Variants in GALNT17 observed in about 807,000 individuals in gnomAD.
GALNT17 encodes the protein polypeptide N-acetylgalactosaminyltransferase 17, also known as UDP-GalNAc:polypeptide N-acetylgalactosaminyltransferase-like 3.
GALNT17 carries 29 observed loss-of-function variants against 63.7 expected under a neutral mutation model. That is an observed-to-expected ratio of 0.46 (90% CI 0.34 to 0.62). The LOEUF (loss-of-function observed/expected upper bound fraction) is 0.62, where lower values mean the gene tolerates loss of function less well. GALNT17 is among the 20% of genes least tolerant of loss of function. The pLI is 0.01. For missense variants in GALNT17, 603 were observed against 799.6 expected, an observed-to-expected ratio of 0.75 and a Z score of 2.97; for synonymous variants, 305 against 318.3, an observed-to-expected ratio of 0.96 and a Z score of 0.45.
At chr7:71,228,673 G>A (rs1789726292) in intron 1 of GALNT17, among the ~76,000 whole-genome samples, 1 of 152,088 alleles carries the variant, frequency 6.6e-6, no homozygotes, top group African/African-American at 2.4e-5. Context: ...ATCTTTCTAT[G>A]CTTTGTCTTC....
intron 2 of GALNT17, among the ~76,000 whole-genome samples, chr7:71,373,584 TC>T (rs1451961283): frequency 1.3e-5 from 2 of 152,062 alleles, no homozygotes; most frequent in Admixed American, 6.5e-5. Flanking sequence ...TTACAGCTGC[TC>T]CCCATCCCTC....
intron 5 of GALNT17, among the ~76,000 whole-genome samples, chr7:71,474,044 A>G (rs1181423899): frequency 2.0e-5 from 3 of 152,132 alleles, no homozygotes; most frequent in African/African-American, 7.2e-5. Context: ...GGTGTGGATT[A>G]CTTATGAGTT....
intron 1 of GALNT17, among the ~76,000 whole-genome samples, chr7:71,263,924 A>C (rs989328136): frequency 6.6e-6 from 1 of 152,214 alleles, no homozygotes; most frequent in Admixed American, 6.5e-5. Flanking sequence ...ATTCCGTCCC[A>C]AAAAAACAAA....
chr7:71,147,422 A>G (rs1332685843), intron 1 of GALNT17, among the ~76,000 whole-genome samples: 2 of 152,114 alleles, frequency 1.3e-5, no homozygotes, highest in Non-Finnish European at 2.9e-5. Flanking sequence ...CTTTATATTC[A>G]GCTGGCAGCT....
At chr7:71,639,757 C>G (rs17143750) in intron 6 of GALNT17, among the ~76,000 whole-genome samples, 1 of 152,168 alleles carries the variant, frequency 6.6e-6, no homozygotes, top group African/African-American at 2.4e-5. Flanking sequence ...AGCAAACTTT[C>G]TGAGGTTCAT....
At chr7:71,561,685 G>A (rs1027556569) in intron 5 of GALNT17, among the ~76,000 whole-genome samples, 2 of 152,140 alleles carry the variant, frequency 1.3e-5, no homozygotes, top group Admixed American at 1.3e-4. Context: ...AGAGACCAAC[G>A]GGTGGCTGGG....
intron 1 of GALNT17, among the ~76,000 whole-genome samples, chr7:71,231,746 G>T (rs1196805059): frequency 6.6e-6 from 1 of 150,886 alleles, no homozygotes; most frequent in Non-Finnish European, 1.5e-5. Context: ...GAGGGAGGGA[G>T]AGGGAGAGAG....
At chr7:71,289,821 G>A (rs891883403) in intron 1 of GALNT17, among the ~76,000 whole-genome samples, 3 of 151,992 alleles carry the variant, frequency 2.0e-5, no homozygotes, top group Non-Finnish European at 4.4e-5. Flanking sequence ...GGAGGTTGTG[G>A]TGAGCCAAGA....
At chr7:71,149,453 G>T (rs1041056181) in intron 1 of GALNT17, among the ~76,000 whole-genome samples, 1 of 152,054 alleles carries the variant, frequency 6.6e-6, no homozygotes, top group African/African-American at 2.4e-5. Context: ...TCGGTTGGTG[G>T]CTGGGTCCAG....
Position 71,712,176 on chromosome 7 carries a change from C to T in GALNT17, c.*30C>T, listed in dbSNP as rs756062537. The T allele has an allele frequency of 1.9e-6, 3 of 1,602,612 alleles. No homozygotes were observed. Among genetic ancestry groups the T allele is most frequent in the Non-Finnish European group, 2.6e-6 (3 of 1,173,924 alleles). ...AGGGAGCTGGGGCACTGGAGCCTGGCCCCCAGGACATGGCTGCTCCCCCCA... is the reference window on the plus strand; with the variant it reads ...AGGGAGCTGGGGCACTGGAGCCTGGTCCCCAGGACATGGCTGCTCCCCCCA... On this transcript the variant is annotated 3_prime_UTR_variant, in exon 11 of 11. Transcript: ENST00000333538.
chr7:71,144,343 C>T (rs764274283), intron 1 of GALNT17, among the ~76,000 whole-genome samples: 10 of 152,108 alleles, frequency 6.6e-5, no homozygotes, highest in Non-Finnish European at 1.2e-4. Context: ...CCTTGGCAGG[C>T]GTTGGTGCCA....
chr7:71,666,777 T>A (rs1790991714), intron 7 of GALNT17, among the ~76,000 whole-genome samples: 1 of 150,704 alleles, frequency 6.6e-6, no homozygotes, highest in Non-Finnish European at 1.5e-5. Context: ...ATGTAAATGC[T>A]GTGTAAATAA....
chr7:71,353,791 T>C (rs1792230549), intron 2 of GALNT17, among the ~76,000 whole-genome samples: 1 of 152,192 alleles, frequency 6.6e-6, no homozygotes, highest in Non-Finnish European at 1.5e-5. Flanking sequence ...ATTCCTGGGT[T>C]AAATGTGGTG....
intron 9 of GALNT17, among the ~76,000 whole-genome samples, chr7:71,683,941 G>A (rs897803149): frequency 6.6e-6 from 1 of 151,100 alleles, no homozygotes; most frequent in Admixed American, 6.6e-5. Context: ...CTCAGGAGGC[G>A]GAGGTTGCAG....
chr7:71,495,355 C>T (rs1161852769), intron 5 of GALNT17, among the ~76,000 whole-genome samples: 1 of 152,050 alleles, frequency 6.6e-6, no homozygotes, highest in Non-Finnish European at 1.5e-5. Context: ...AGACACTGTA[C>T]TCCATATTCT....
chr7:71,200,807 G>A (rs528832596), intron 1 of GALNT17, among the ~76,000 whole-genome samples: 42 of 151,800 alleles, frequency 2.8e-4, no homozygotes, highest in Non-Finnish European at 4.9e-4. Flanking sequence ...TTATTAGGTC[G>A]TTTCTATTTT....
In GALNT17 at chr7:71,388,149, G is replaced by A. The variant is rs1413348865; in HGVS notation, c.423-86G>A. The A allele has an allele frequency of 3.5e-6, 5 of 1,433,792 alleles. No homozygotes were observed. In the African/African-American group the frequency reaches 4.2e-5, roughly 12 times the overall value. 88.8% of individuals were successfully genotyped at this position (1,433,792 alleles called of 1,614,324 possible). A position where few individuals can be genotyped will look rare whatever the true frequency, so the allele number is the denominator to read the frequency against. Reference sequence around the variant, plus strand: ...CCTTGGGACGACTGGATGAGGATTCGGCTGAAATCTTACACTATGTCCAGC... The same window carrying A: ...CCTTGGGACGACTGGATGAGGATTCAGCTGAAATCTTACACTATGTCCAGC... On this transcript the variant is annotated intron_variant, in intron 2 of 10. Transcript: ENST00000333538.
chr7:71,700,739 G>A (rs1791619351), intron 9 of GALNT17, among the ~76,000 whole-genome samples: 1 of 152,068 alleles, frequency 6.6e-6, no homozygotes, highest in South Asian at 2.1e-4. Context: ...TTCTCCTCTG[G>A]GAATCCTTCT....
intron 1 of GALNT17, among the ~76,000 whole-genome samples, chr7:71,261,296 C>G (rs1790381454): frequency 6.6e-6 from 1 of 152,140 alleles, no homozygotes; most frequent in Non-Finnish European, 1.5e-5. Context: ...AAGCCACTTT[C>G]AGTTTTTCCA....
Sources: gnomAD v4.1 joint callset for allele counts (sites outside exome capture counted in the v4.1 genomes callset) on GRCh38, gnomAD v4.1.1 for gene constraint, MANE v1.5 for transcripts, NCBI Gene and HGNC (gene_info 2026-07-23, HGNC 2026-07-21) for gene names.